The following THSD7A variants were observed in gnomAD, a reference collection of about 807,000 sequenced individuals.
THSD7A encodes the protein thrombospondin type 1 domain containing 7A, also known as thrombospondin type-1 domain-containing protein 7A.
THSD7A carries 96 observed loss-of-function variants against 231.3 expected under a neutral mutation model. The observed-to-expected ratio is 0.41, with a 90% CI of 0.35 to 0.49. The LOEUF is 0.49. Among genes scored for constraint, THSD7A ranks in the 20% least tolerant of loss-of-function variants. THSD7A has a pLI of 0.05. For missense variants in THSD7A, 2,290 were observed against 2,070.2 expected (o/e 1.11, Z -2.06); for synonymous variants, 940 against 743.3 (o/e 1.26, Z -4.30).
intron 1 of THSD7A, among the ~76,000 whole-genome samples, chr7:11,801,182 G>T (rs1193154294): frequency 2.6e-5 from 4 of 151,922 alleles, no homozygotes; most frequent in Non-Finnish European, 5.9e-5. Context: ...TTAAATGTGT[G>T]CCATTTGCAT....
chr7:11,802,571 T>C (rs1784305971), intron 1 of THSD7A, among the ~76,000 whole-genome samples: 1 of 152,046 alleles, frequency 6.6e-6, no homozygotes, highest in South Asian at 2.1e-4. Flanking sequence ...GAGACAGAGG[T>C]TGAGTTAAGA....
chr7:11,386,409 C>T (rs934191893), intron 23 of THSD7A, among the ~76,000 whole-genome samples: 1 of 152,198 alleles, frequency 6.6e-6, no homozygotes, highest in Non-Finnish European at 1.5e-5. Flanking sequence ...GATCACCATT[C>T]TAACTGGTGT....
At chr7:11,825,880 T>A (rs1345805291) in intron 1 of THSD7A, among the ~76,000 whole-genome samples, 1 of 152,216 alleles carries the variant, frequency 6.6e-6, no homozygotes, top group Admixed American at 6.5e-5. Flanking sequence ...TGAATAAAAG[T>A]AAATTGTAAG....
rs1382060349 is a variant in THSD7A, at chr7:11,560,936, T to C, written c.1454-17819A>G. On this transcript the variant is annotated intron_variant, in intron 4 of 27. Coordinates refer to ENST00000423059, the MANE Select transcript of THSD7A (RefSeq NM_015204.3). ...CAAATGGATGATGGTGTTTGCTACA[T>C]GCCAGGAAATGTCACACTGTTCCAA... Among the ~76,000 whole-genome samples the C allele has an allele frequency of 2.0e-5, 3 of 152,210 alleles. No homozygotes were observed. The East Asian group carries it at 5.8e-4, about 29-fold the overall frequency.
chr7:11,471,991 G>C (rs867318418), intron 8 of THSD7A, among the ~76,000 whole-genome samples: 1 of 152,088 alleles, frequency 6.6e-6, no homozygotes, highest in African/African-American at 2.4e-5. Flanking sequence ...AATTTACAAT[G>C]TTATCATTGA....
At chr7:11,772,386 G>A (rs539774209) in intron 1 of THSD7A, among the ~76,000 whole-genome samples, 1 of 151,934 alleles carries the variant, frequency 6.6e-6, no homozygotes, top group African/African-American at 2.4e-5. Flanking sequence ...ATATGCAAAG[G>A]AATATAAATC....
At chr7:11,458,618 A>G (rs967036737) in intron 11 of THSD7A, among the ~76,000 whole-genome samples, 10 of 152,140 alleles carry the variant, frequency 6.6e-5, no homozygotes, top group African/African-American at 2.4e-4. Flanking sequence ...AGAAAGAGAC[A>G]CCAGTAATAG....
Position 11,586,316 on chromosome 7 carries a change from A to G in THSD7A, c.1453+4144T>C, listed in dbSNP as rs145489769. Among the ~76,000 whole-genome samples, 190 of 152,030 alleles carry G rather than the reference A, an allele frequency of 1.2e-3. 2 individuals are homozygous for G. The highest frequency in any genetic ancestry group is 4.3e-3 in the African/African-American group (177 of 41,492). On this transcript the variant is annotated intron_variant, in intron 4 of 27. Transcript: ENST00000423059. ...ATAGAAAGTCAAAAAACATGAAATC[A>G]TTTTTCTTCATGGGACAGGTTTGAT...
chr7:11,820,305 A>G lies in THSD7A; in HGVS notation c.190+11452T>C. On this transcript the variant is annotated intron_variant, in intron 1 of 27. Coordinates refer to ENST00000423059, the MANE Select transcript of THSD7A (RefSeq NM_015204.3). ...CTCTCCCCTGGGCAAGGAATTCCGT[A>G]AAGAGTGGACCCTACTCGGTTGTGG... 1.1e-5 allele frequency: 7 copies of G among 624,280 alleles called. No homozygotes were observed. The South Asian group carries it at 1.7e-4, about 15-fold the overall frequency. The allele number at this position is 624,280 out of a possible 1,614,324, so 38.7% of individuals were successfully genotyped here.
At chr7:11,600,533 C>T (rs1239224683) in intron 2 of THSD7A, among the ~76,000 whole-genome samples, 1 of 152,214 alleles carries the variant, frequency 6.6e-6, no homozygotes, top group East Asian at 1.9e-4. Context: ...ATGGTATGGA[C>T]GTCATCAATT....
chr7:11,672,616 A>G (rs1472024395), intron 1 of THSD7A, among the ~76,000 whole-genome samples: 1 of 152,274 alleles, frequency 6.6e-6, no homozygotes, highest in Middle Eastern at 3.4e-3. Context: ...TCTTGATGTT[A>G]CTTTTAACTT....
chr7:11,606,838 T>A (rs1193647006), intron 2 of THSD7A, among the ~76,000 whole-genome samples: 1 of 152,060 alleles, frequency 6.6e-6, no homozygotes, highest in Non-Finnish European at 1.5e-5. Flanking sequence ...GCCACAGATT[T>A]ATTTAATTAG....
intron 1 of THSD7A, among the ~76,000 whole-genome samples, chr7:11,701,707 A>G (rs1780606413): frequency 6.6e-6 from 1 of 151,200 alleles, no homozygotes; most frequent in South Asian, 2.1e-4. Flanking sequence ...ACAACTGCCC[A>G]GGAGATGTAG....
chr7:11,725,016 A>G (rs1781500116), intron 1 of THSD7A, among the ~76,000 whole-genome samples: 1 of 151,874 alleles, frequency 6.6e-6, no homozygotes, highest in Non-Finnish European at 1.5e-5. Flanking sequence ...ATTAAGAGCA[A>G]AGAAATAGAA....
chr7:11,416,239 T>C (rs915454640), intron 17 of THSD7A, among the ~76,000 whole-genome samples: 1 of 152,210 alleles, frequency 6.6e-6, no homozygotes, highest in African/African-American at 2.4e-5. Flanking sequence ...TCATTTAATA[T>C]AGAAACCTAC....
chr7:11,762,788 C>G (rs10260475), intron 1 of THSD7A, among the ~76,000 whole-genome samples: 5,943 of 151,940 alleles, frequency 0.039, 385 homozygotes, highest in African/African-American at 0.14. Flanking sequence ...ACAAAATATT[C>G]ATGAAAAAAA....
chr7:11,664,002 G>A, intron 1 of THSD7A, among the ~76,000 whole-genome samples: 1 of 150,546 alleles, frequency 6.6e-6, no homozygotes, highest in East Asian at 2.0e-4. Context: ...TAGCATGTTA[G>A]AGTGAAAATA....
chr7:11,489,013 C>T (rs560326641), intron 6 of THSD7A, among the ~76,000 whole-genome samples: 2 of 152,068 alleles, frequency 1.3e-5, no homozygotes, highest in Non-Finnish European at 2.9e-5. Context: ...CTGTCTGCTC[C>T]CATAGCATTG....
chr7:11,624,749 C>T (rs1781426270), intron 2 of THSD7A, among the ~76,000 whole-genome samples: 1 of 151,998 alleles, frequency 6.6e-6, no homozygotes, highest in African/African-American at 2.4e-5. Flanking sequence ...TCTGGGCCAA[C>T]CCAGAATTAC....
Sources: gnomAD v4.1 joint callset for allele counts (sites outside exome capture counted in the v4.1 genomes callset) on GRCh38, gnomAD v4.1.1 for gene constraint, MANE v1.5 for transcripts, NCBI Gene and HGNC (gene_info 2026-07-23, HGNC 2026-07-21) for gene names.